SPATA13: variants seen among roughly 807,000 people sequenced by gnomAD.
SPATA13 encodes the protein spermatogenesis-associated protein 13.
Under a neutral mutation model 104.0 loss-of-function variants are expected in SPATA13, and 50 were observed. That is an observed-to-expected ratio of 0.48 (90% confidence interval 0.38 to 0.61). The LOEUF is 0.61. Ranked by LOEUF, SPATA13 falls within the 20% of genes least tolerant of loss-of-function variation. SPATA13 has a pLI of 0.00. For missense variants in SPATA13, 1,524 were observed against 1,690.6 expected, an observed-to-expected ratio of 0.90 and a Z score of 1.73; for synonymous variants, 606 against 667.5, an observed-to-expected ratio of 0.91 and a Z score of 1.42.
At chr13:24,257,006 T>C (rs556585398) in intron 4 of SPATA13, among the ~76,000 whole-genome samples, 168 of 152,378 alleles carry the variant, frequency 1.1e-3, no homozygotes, top group African/African-American at 4.0e-3. Context: ...TTCTCTTTCA[T>C]TTGAGACAAC....
intron 2 of SPATA13, among the ~76,000 whole-genome samples, chr13:24,005,412 C>T (rs1319564276): frequency 6.6e-6 from 1 of 152,162 alleles, no homozygotes; most frequent in African/African-American, 2.4e-5. Context: ...ATATAGTGCT[C>T]ACCTGGTGCC....
chr13:23,985,590 T>C lies in SPATA13; in HGVS notation c.-147+1657T>C, dbSNP rs568201455. Among the ~76,000 whole-genome samples the C allele has an allele frequency of 1.0e-3, 152 of 152,114 alleles. 1 individual carries two copies. The highest frequency in any genetic ancestry group is 3.5e-3 in the African/African-American group (147 of 41,500). On this transcript the variant is annotated intron_variant, in intron 2 of 14. Transcript: ENST00000424834. ...CCCCAGTGTGAGTCTGGCTGTGGGG[T>C]TTCAAGCCTTATCTTCCTGGAGGAA...
intron 4 of SPATA13, among the ~76,000 whole-genome samples, chr13:24,270,375 T>C (rs1874516200): frequency 6.6e-6 from 1 of 152,214 alleles, no homozygotes; most frequent in Admixed American, 6.5e-5. Flanking sequence ...ACTCAAATTT[T>C]TGTCATACCA....
chr13:24,257,220 G>A (rs912369762), intron 4 of SPATA13, among the ~76,000 whole-genome samples: 1 of 152,244 alleles, frequency 6.6e-6, no homozygotes, highest in South Asian at 2.1e-4. Flanking sequence ...GTTCAGATTA[G>A]CTTGCTTTTC....
chr13:24,042,770 A>C (rs1398928768), intron 3 of SPATA13, among the ~76,000 whole-genome samples: 2 of 152,214 alleles, frequency 1.3e-5, no homozygotes, highest in Non-Finnish European at 2.9e-5. Context: ...TCACTTGGTC[A>C]GCGGTGGAGC....
intron 2 of SPATA13, among the ~76,000 whole-genome samples, chr13:24,001,434 G>A (rs1275040878): frequency 1.3e-5 from 2 of 152,084 alleles, no homozygotes; most frequent in African/African-American, 2.4e-5. Flanking sequence ...GAGAGAGGGT[G>A]GGGTTCGGTG....
intron 3 of SPATA13, among the ~76,000 whole-genome samples, chr13:24,082,751 C>T (rs1360700268): frequency 1.5e-5 from 2 of 133,094 alleles, no homozygotes; most frequent in Non-Finnish European, 3.1e-5. Context: ...ACCCGGGAAG[C>T]GGAGCTTGCA....
Position 24,294,736 on chromosome 13 carries a change from C to G in SPATA13, c.3081-3C>G. Reference sequence around the variant, plus strand: ...TGATTAAAATTAACCTCCCATCTTGCAGTGATTACAGCAACATAAAGGCAG... The same window carrying G: ...TGATTAAAATTAACCTCCCATCTTGGAGTGATTACAGCAACATAAAGGCAG... On this transcript the variant is annotated splice_region_variant and splice_polypyrimidine_tract_variant and intron_variant, in intron 9 of 12. Transcript: ENST00000382108. 6.3e-7 allele frequency: 1 copy of G among 1,579,880 alleles called. No individual in the cohort carries two copies. Among genetic ancestry groups the G allele is most frequent in the Non-Finnish European group, 8.7e-7 (1 of 1,152,222 alleles).
intron 2 of SPATA13, among the ~76,000 whole-genome samples, chr13:24,240,122 TG>T (rs1240897693): frequency 6.6e-6 from 1 of 151,914 alleles, no homozygotes; most frequent in Non-Finnish European, 1.5e-5. Flanking sequence ...CTGGCCAACA[TG>T]GCAAAACCCT....
At chr13:24,099,606 C>T (rs1330319163) in intron 3 of SPATA13, among the ~76,000 whole-genome samples, 1 of 152,198 alleles carries the variant, frequency 6.6e-6, no homozygotes, top group Non-Finnish European at 1.5e-5. Flanking sequence ...CCGGGGAGGG[C>T]CCACAGCCCC....
chr13:24,150,210 C>T (rs934444391), intron 3 of SPATA13, among the ~76,000 whole-genome samples: 3 of 152,236 alleles, frequency 2.0e-5, no homozygotes, highest in Non-Finnish European at 2.9e-5. Context: ...TGCTCTCCTC[C>T]CACAGCCTCC....
intron 1 of SPATA13, among the ~76,000 whole-genome samples, chr13:24,170,344 C>A (rs1179220923): frequency 6.6e-6 from 1 of 152,194 alleles, no homozygotes; most frequent in East Asian, 1.9e-4. Context: ...AACTGCTGGG[C>A]TGGAATCGTC....
chr13:24,287,038 C>T (rs1876007534), intron 7 of SPATA13, 88 bp downstream of exon 7: 5 of 1,169,344 alleles, frequency 4.3e-6, no homozygotes, highest in Admixed American at 4.4e-5. Flanking sequence ...CACCCCCCGC[C>T]CCCCCATCAG....
At chr13:24,265,680 C>T (rs758788591) in intron 4 of SPATA13, among the ~76,000 whole-genome samples, 2 of 152,124 alleles carry the variant, frequency 1.3e-5, no homozygotes, top group East Asian at 1.9e-4. Flanking sequence ...CCCATCCTTC[C>T]GCCCATGTCC....
At chr13:24,047,080 G>T (rs1878177558) in intron 3 of SPATA13, among the ~76,000 whole-genome samples, 1 of 152,210 alleles carries the variant, frequency 6.6e-6, no homozygotes, top group South Asian at 2.1e-4. Context: ...AATTGTAGGG[G>T]TGTGGAAAAT....
chr13:24,266,891 A>G (rs1371071230), intron 4 of SPATA13, among the ~76,000 whole-genome samples: 1 of 151,768 alleles, frequency 6.6e-6, no homozygotes, highest in Non-Finnish European at 1.5e-5. Context: ...TCTCAGTCTC[A>G]AGTGATCCTT....
At chr13:24,067,450 T>C (rs1226369230) in intron 3 of SPATA13, among the ~76,000 whole-genome samples, 1 of 152,178 alleles carries the variant, frequency 6.6e-6, no homozygotes, top group Non-Finnish European at 1.5e-5. Flanking sequence ...CATAAAGAAC[T>C]ACTTTTCCAT....
chr13:24,139,554 G>A (rs143934550), intron 3 of SPATA13, among the ~76,000 whole-genome samples: 1 of 152,266 alleles, frequency 6.6e-6, no homozygotes, highest in African/African-American at 2.4e-5. Flanking sequence ...GCAGAAAGCC[G>A]TGTCCTCCAA....
chr13:24,134,710 C>A (rs1278784697), intron 3 of SPATA13, among the ~76,000 whole-genome samples: 5 of 152,160 alleles, frequency 3.3e-5, no homozygotes, highest in African/African-American at 1.2e-4. Flanking sequence ...CAGCCCTCAC[C>A]AGTACCAACA....
Sources: gnomAD v4.1 joint callset for allele counts (sites outside exome capture counted in the v4.1 genomes callset) on GRCh38, gnomAD v4.1.1 for gene constraint, MANE v1.5 for transcripts, NCBI Gene and HGNC (gene_info 2026-07-23, HGNC 2026-07-21) for gene names.